Variants in TNNI3K observed in about 807,000 individuals in gnomAD.
The protein encoded by TNNI3K is TNNI3 interacting kinase.
TNNI3K carries 140 observed loss-of-function variants against 114.5 expected under a neutral mutation model. That is an observed-to-expected ratio of 1.22 (90% confidence interval 1.07 to 1.41). The LOEUF (loss-of-function observed/expected upper bound fraction) is 1.41. Among genes scored for constraint, TNNI3K ranks in the 40% most tolerant of loss-of-function variants. The pLI is 0.00. For synonymous variants in TNNI3K, 347 were observed against 347.5 expected (o/e 1.00, Z 0.02); for missense variants, 1,125 against 1,007.6 (o/e 1.12, Z -1.58).
intron 6 of TNNI3K, among the ~76,000 whole-genome samples, chr1:74,332,176 C>T (rs1660236942): frequency 1.3e-5 from 2 of 152,106 alleles, no homozygotes; most frequent in Admixed American, 1.3e-4. Flanking sequence ...ATTTAACCTT[C>T]ACAACTTTAT....
intron 7 of TNNI3K, chr1:74,341,880 T>C (rs1456884645): frequency 6.6e-6 from 1 of 152,188 alleles, no homozygotes; most frequent in Non-Finnish European, 1.5e-5. Flanking sequence ...CACTGCCACA[T>C]TGCCAAGATA....
chr1:74,363,245 A>T (rs142636596), intron 11 of TNNI3K, among the ~76,000 whole-genome samples: 5 of 151,880 alleles, frequency 3.3e-5, no homozygotes, highest in African/African-American at 1.2e-4. Context: ...GTTTCTTTCC[A>T]TGTACTTTAG....
intron 17 of TNNI3K, among the ~76,000 whole-genome samples, chr1:74,379,116 G>A (rs1228068611): frequency 2.0e-5 from 3 of 151,874 alleles, no homozygotes; most frequent in Non-Finnish European, 4.4e-5. Context: ...TAATTTAAAA[G>A]CATGAGAATA....
rs746026873 is a variant in TNNI3K at position 74,343,097 on chromosome 1, G to T, written c.850G>T (p.Glu284Ter). 1.2e-6 allele frequency: 2 copies of T among 1,613,408 alleles called. No homozygotes were observed. Among genetic ancestry groups the T allele is most frequent in the South Asian group, 1.1e-5 (1 of 91,042 alleles). ...LHLACYNGKF[E>*]VAKEIIQISG... ...TAGGGCATGCTACAATGGCAAATTT[G>T]AAGTTGCCAAGGAAATCATCCAAAT... Residue 284 changes from glutamate (E) to a stop codon, truncating the protein, a stop_gained, in exon 9 of 25, where the codon GAA (glutamate) becomes TAA (stop). Coordinates refer to ENST00000326637, the MANE Select transcript of TNNI3K (RefSeq NM_015978.3). LOFTEE classifies it high-confidence loss of function.
intron 21 of TNNI3K, chr1:74,471,255 C>T (rs1350654881): frequency 2.5e-6 from 1 of 400,672 alleles, no homozygotes; most frequent in Non-Finnish European, 4.4e-6. Flanking sequence ...AGTCATGTTT[C>T]AGAGGCAGCC....
At chr1:74,332,972 A>G (rs1336763689) in intron 6 of TNNI3K, among the ~76,000 whole-genome samples, 2 of 69,780 alleles carry the variant, frequency 2.9e-5, no homozygotes, top group South Asian at 5.4e-4. Context: ...AAAAAAAAAA[A>G]AAAAAGAGAG....
At chr1:74,496,650 A>T (rs1001289744) in intron 23 of TNNI3K, among the ~76,000 whole-genome samples, 9 of 152,086 alleles carry the variant, frequency 5.9e-5, no homozygotes, top group African/African-American at 1.9e-4. Context: ...GAGGTGCAAA[A>T]TTGTGTCAGA....
chr1:74,480,706 A>C, intron 21 of TNNI3K: 1 of 717,422 alleles, frequency 1.4e-6, no homozygotes, highest in Non-Finnish European at 2.6e-6. Context: ...TGCGGAGAGC[A>C]TTATTGCTCA....
At position 74,354,080 on chromosome 1, in the gene TNNI3K, T is replaced by C. The variant is rs1661532389; in HGVS notation, c.1128T>C (p.Ser376=). ...TAGTGGCTTGTGATCCCAGCAGGTCTAGTGGTGAAAAAGATGAGCAGACAT... is the reference window on the plus strand; with the variant it reads ...TAGTGGCTTGTGATCCCAGCAGGTCCAGTGGTGAAAAAGATGAGCAGACAT... ...MNLVACDPSR[S]SGEKDEQTCL... is the part of the protein sequence containing the mutation. The change falls in exon 11 of 25, where the codon TCT becomes TCC. Residue 376 remains serine, a synonymous_variant. Transcript: ENST00000326637. The C allele has an allele frequency of 1.2e-6, 2 of 1,614,002 alleles. No homozygotes were observed. Among genetic ancestry groups the C allele is most frequent in the African/African-American group, 1.3e-5 (1 of 74,926 alleles).
At chr1:74,299,465 C>G (rs1261599733) in intron 5 of TNNI3K, among the ~76,000 whole-genome samples, 1 of 152,040 alleles carries the variant, frequency 6.6e-6, no homozygotes, top group Non-Finnish European at 1.5e-5. Context: ...ATATCATTGG[C>G]TGAACTATTG....
chr1:74,433,473 C>A (rs1665984759), intron 17 of TNNI3K, among the ~76,000 whole-genome samples: 1 of 152,104 alleles, frequency 6.6e-6, no homozygotes, highest in African/African-American at 2.4e-5. Flanking sequence ...ATTTAGTTTT[C>A]ATTATTACTG....
intron 23 of TNNI3K, among the ~76,000 whole-genome samples, chr1:74,521,321 A>G (rs996076654): frequency 6.6e-6 from 1 of 152,148 alleles, no homozygotes; most frequent in African/African-American, 2.4e-5. Flanking sequence ...AGGCATAATA[A>G]TGATACTTAC....
At chr1:74,531,633 T>G (rs1489380088) in intron 23 of TNNI3K, among the ~76,000 whole-genome samples, 1 of 152,350 alleles carries the variant, frequency 6.6e-6, no homozygotes, top group South Asian at 2.1e-4. Flanking sequence ...ATTATCCTAG[T>G]GTAAACACCT....
In TNNI3K at chr1:74,543,835, G is replaced by T. The variant is rs75575439; in HGVS notation, c.2432-71G>T. ...GATCTGGAAGACCTGCCTGGTTCAG[G>T]CTGGTTATAAAAAATTGGGGGATGT... On this transcript the variant is annotated intron_variant, in intron 24 of 24. Transcript: ENST00000326637. 1.4e-5 allele frequency: 22 copies of T among 1,584,218 alleles called. 1 individual carries two copies. In the South Asian group the frequency reaches 2.4e-4, roughly 17 times the overall value.
At chr1:74,486,514 T>TGC (rs58735436) in intron 21 of TNNI3K, among the ~76,000 whole-genome samples, 1 of 139,724 alleles carries the variant, frequency 7.2e-6, no homozygotes, top group African/African-American at 3.1e-5. Flanking sequence ...TTGCTTTTTT[T>TGC]TTTTTTGCCT....
chr1:74,516,864 G>A (rs1646355328), intron 23 of TNNI3K, among the ~76,000 whole-genome samples: 1 of 152,110 alleles, frequency 6.6e-6, no homozygotes, highest in South Asian at 2.1e-4. Context: ...TAGATGAAAT[G>A]CCCTTATTGC....
intron 4 of TNNI3K, among the ~76,000 whole-genome samples, chr1:74,260,555 A>G (rs1268264739): frequency 1.3e-5 from 2 of 152,180 alleles, no homozygotes; most frequent in East Asian, 1.9e-4. Context: ...TTAGAGTTTT[A>G]AGGAAACAAA....
chr1:74,321,186 T>C (rs192839968), intron 5 of TNNI3K, among the ~76,000 whole-genome samples: 14 of 152,184 alleles, frequency 9.2e-5, no homozygotes, highest in African/African-American at 2.9e-4. Context: ...AAATAAGAGC[T>C]CCACATAAGA....
intron 5 of TNNI3K, among the ~76,000 whole-genome samples, chr1:74,313,346 T>C (rs1465705125): frequency 6.6e-6 from 1 of 152,162 alleles, no homozygotes; most frequent in Non-Finnish European, 1.5e-5. Context: ...CCTGTCTATC[T>C]CCTGTGCTTG....
Sources: gnomAD v4.1 joint callset for allele counts (sites outside exome capture counted in the v4.1 genomes callset) on GRCh38, gnomAD v4.1.1 for gene constraint, MANE v1.5 for transcripts, NCBI Gene and HGNC (gene_info 2026-07-23, HGNC 2026-07-21) for gene names.